The following GRIA3 variants were observed in gnomAD, a reference collection of about 807,000 sequenced individuals.
The protein encoded by GRIA3 is glutamate ionotropic receptor AMPA type subunit 3.
In GRIA3, 3 loss-of-function variants were observed where a neutral mutation model predicts 63.0. The observed-to-expected ratio is 0.05, with a 90% CI of 0.02 to 0.12. The LOEUF is 0.12. GRIA3 is among the 10% of genes least tolerant of loss of function. The probability of loss-of-function intolerance (pLI) is 1.00; values close to 1 mark genes in which losing one functional copy is unlikely to be tolerated. For synonymous variants in GRIA3, 274 were observed against 257.9 expected (o/e 1.06, Z -0.60); for missense variants, 347 against 700.9 (o/e 0.50, Z 5.70).
intron 11 of GRIA3, chrX:123,417,983 T>C (rs924306746): frequency 4.3e-6 from 2 of 461,953 alleles, no homozygotes; most frequent in African/African-American, 4.8e-5. Context: ...TTCATGCATT[T>C]CTATGGTATT....
At chrX:123,396,907 A>C (rs1205936946) in intron 6 of GRIA3, among the ~76,000 whole-genome samples, 6 of 112,266 alleles carry the variant, frequency 5.3e-5, no homozygotes, top group Non-Finnish European at 1.9e-5. Flanking sequence ...GGTAGAAGAG[A>C]GAAATTCATT....
At chrX:123,389,404 T>C (rs1276960705) in intron 5 of GRIA3, among the ~76,000 whole-genome samples, 1 of 112,029 alleles carries the variant, frequency 8.9e-6, no homozygotes, top group Non-Finnish European at 1.9e-5. Context: ...GTCAGAAGCA[T>C]ATATGTTTAG....
intron 4 of GRIA3, among the ~76,000 whole-genome samples, chrX:123,326,759 C>CAGAG (rs752985141): frequency 9.2e-6 from 1 of 109,212 alleles, no homozygotes; most frequent in African/African-American, 3.3e-5. Flanking sequence ...CCCTCTGGAT[C>CAGAG]AGAGAGAGAG....
At chrX:123,238,598 C>T (rs1245831853) in intron 2 of GRIA3, among the ~76,000 whole-genome samples, 1 of 111,906 alleles carries the variant, frequency 8.9e-6, no homozygotes, top group East Asian at 2.8e-4. Flanking sequence ...CAAAGATGCA[C>T]CTTGGCATTT....
In GRIA3 at chrX:123,387,339, G is replaced by A. The variant is rs191135988; in HGVS notation, c.751-7629G>A. Among the ~76,000 whole-genome samples, 3 of 111,547 alleles carry A rather than the reference G, an allele frequency of 2.7e-5. No individual in the cohort carries two copies. In the Admixed American group the frequency reaches 2.9e-4, roughly 11 times the overall value. ...AATGATCAGATCTAAGAATTTCTTG[G>A]TGGAGTCTTTAGGTTTGTCTTGATA... On this transcript the variant is annotated intron_variant, in intron 5 of 15. Coordinates refer to ENST00000620443, the MANE Select transcript of GRIA3 (RefSeq NM_007325.5).
At position 123,447,124 on chromosome X, in the gene GRIA3, T is replaced by C. The variant is rs908952122; in HGVS notation, c.2077-17741T>C. 2.7e-5 allele frequency among the ~76,000 whole-genome samples: 3 copies of C among 111,820 alleles called. No homozygotes were observed. The South Asian group carries it at 1.1e-3, about 42-fold the overall frequency. On this transcript the variant is annotated intron_variant, in intron 12 of 15. Coordinates refer to ENST00000620443, the MANE Select transcript of GRIA3 (RefSeq NM_007325.5). ...TGGGCCGGATGCAGTGGCTCATGCC[T>C]GTAATCCCAGCATTTTGGGAGGCCA...
chrX:123,232,691 T>C (rs2044282138), intron 2 of GRIA3, among the ~76,000 whole-genome samples: 1 of 111,507 alleles, frequency 9.0e-6, no homozygotes, highest in Non-Finnish European at 1.9e-5. Context: ...TTTATAAATA[T>C]ATATACCTAC....
At chrX:123,450,885 A>C (rs1312977323) in intron 12 of GRIA3, among the ~76,000 whole-genome samples, 1 of 112,011 alleles carries the variant, frequency 8.9e-6, no homozygotes, top group African/African-American at 3.2e-5. Context: ...AGGCCATGAA[A>C]GTATGAGGTG....
At chrX:123,308,170 T>C (rs2044767126) in intron 3 of GRIA3, among the ~76,000 whole-genome samples, 1 of 111,957 alleles carries the variant, frequency 8.9e-6, no homozygotes, top group Non-Finnish European at 1.9e-5. Flanking sequence ...GAATTACCAA[T>C]CTGTGTTAAC....
chrX:123,217,193 CAGA>C (rs1417705017), intron 2 of GRIA3, among the ~76,000 whole-genome samples: 2 of 111,331 alleles, frequency 1.8e-5, no homozygotes, highest in African/African-American at 6.5e-5. Context: ...TCAGGGCCTT[CAGA>C]AGGTCACTGG....
intron 5 of GRIA3, among the ~76,000 whole-genome samples, chrX:123,371,196 G>T (rs1204383613): frequency 9.1e-6 from 1 of 110,282 alleles, no homozygotes; most frequent in African/African-American, 3.3e-5. Context: ...CATCCATGTT[G>T]TTGCAAATGA....
intron 2 of GRIA3, among the ~76,000 whole-genome samples, chrX:123,234,606 T>C (rs901036044): frequency 8.9e-6 from 1 of 111,807 alleles, no homozygotes; most frequent in Non-Finnish European, 1.9e-5. Flanking sequence ...AACTACAACA[T>C]GTATCTGATC....
chrX:123,268,831 T>C (rs1355182687), intron 3 of GRIA3, among the ~76,000 whole-genome samples: 1 of 112,214 alleles, frequency 8.9e-6, no homozygotes, highest in Non-Finnish European at 1.9e-5. Context: ...TCAATTCTTT[T>C]ATCTGCATAA....
chrX:123,297,331 T>C (rs1038661148), intron 3 of GRIA3, among the ~76,000 whole-genome samples: 14 of 112,011 alleles, frequency 1.2e-4, no homozygotes, highest in African/African-American at 4.2e-4. Context: ...AGGCACTAGA[T>C]AGAATACAGA....
At chrX:123,466,975 C>G (rs1430637804) in intron 13 of GRIA3, among the ~76,000 whole-genome samples, 1 of 112,662 alleles carries the variant, frequency 8.9e-6, no homozygotes, top group African/African-American at 3.2e-5. Context: ...AGAACACTTT[C>G]AAAGAAATCA....
chrX:123,278,050 C>T (rs2044565309), intron 3 of GRIA3, among the ~76,000 whole-genome samples: 1 of 112,103 alleles, frequency 8.9e-6, no homozygotes, highest in African/African-American at 3.2e-5. Flanking sequence ...GTCCCCACAA[C>T]AGGCTGCAGG....
intron 3 of GRIA3, among the ~76,000 whole-genome samples, chrX:123,302,464 T>C (rs1023260932): frequency 9.0e-6 from 1 of 111,683 alleles, no homozygotes; most frequent in African/African-American, 3.2e-5. Flanking sequence ...GCATAGGCTT[T>C]GGAATCAGAT....
intron 3 of GRIA3, among the ~76,000 whole-genome samples, chrX:123,308,515 T>C (rs190793973): frequency 8.0e-5 from 9 of 111,993 alleles, no homozygotes; most frequent in East Asian, 5.6e-4. Context: ...AAATAAGACA[T>C]TGTGGCACAT....
At chrX:123,482,430 C>T (rs1044314679) in intron 14 of GRIA3, among the ~76,000 whole-genome samples, 2 of 111,540 alleles carry the variant, frequency 1.8e-5, no homozygotes, top group South Asian at 3.8e-4. Context: ...ATTATGTCAC[C>T]GCTCAACTCT....
Sources: gnomAD v4.1 joint callset for allele counts (sites outside exome capture counted in the v4.1 genomes callset) on GRCh38, gnomAD v4.1.1 for gene constraint, MANE v1.5 for transcripts, NCBI Gene and HGNC (gene_info 2026-07-23, HGNC 2026-07-21) for gene names.